Variants in KHDRBS2 observed in about 807,000 individuals in gnomAD.
The protein encoded by KHDRBS2 is KH domain-containing, RNA-binding, signal transduction-associated protein 2.
A neutral mutation model predicts 44.3 loss-of-function variants in KHDRBS2; 26 were observed. That is an observed-to-expected ratio of 0.59 (90% CI 0.43 to 0.81). The LOEUF (loss-of-function observed/expected upper bound fraction) is 0.81. KHDRBS2 is among the 40% of genes least tolerant of loss of function. The probability of loss-of-function intolerance (pLI) is 0.00; values close to 1 mark genes in which losing one functional copy is unlikely to be tolerated. For missense variants in KHDRBS2, 476 were observed against 433.1 expected (o/e 1.10, Z -0.88); for synonymous variants, 194 against 151.1 (o/e 1.28, Z -2.08).
At chr6:61,651,825 AGATTGTACT>A in the KHDRBS2 span, among the ~76,000 whole-genome samples, 1 of 152,114 alleles carries the variant, frequency 6.6e-6, no homozygotes, top group African/African-American at 2.4e-5. Flanking sequence ...AAAGATATCC[AGATTGTACT>A]GGTAAAGAAG....
At chr6:62,068,092 T>C (rs1186773330) in intron 2 of KHDRBS2, among the ~76,000 whole-genome samples, 3 of 151,546 alleles carry the variant, frequency 2.0e-5, no homozygotes, top group African/African-American at 4.8e-5. Flanking sequence ...ATTCTAAGTT[T>C]AACATTTTGA....
intron 1 of KHDRBS2, among the ~76,000 whole-genome samples, chr6:62,199,536 A>C (rs1826457576): frequency 6.6e-6 from 1 of 152,290 alleles, no homozygotes; most frequent in East Asian, 1.9e-4. Context: ...AGGGATGTGA[A>C]AGACCTCTTC....
the KHDRBS2 span, among the ~76,000 whole-genome samples, chr6:61,606,224 T>A: frequency 1.3e-5 from 2 of 152,296 alleles, no homozygotes; most frequent in African/African-American, 2.4e-5. Flanking sequence ...AAAAGCTTTA[T>A]TGCTCACACA....
At chr6:61,933,387 A>G (rs1810449541) in intron 4 of KHDRBS2, among the ~76,000 whole-genome samples, 1 of 152,212 alleles carries the variant, frequency 6.6e-6, no homozygotes, top group African/African-American at 2.4e-5. Flanking sequence ...GCTTGATTGT[A>G]TATCTTGGCA....
the KHDRBS2 span, among the ~76,000 whole-genome samples, chr6:61,671,769 G>C: frequency 1.3e-5 from 2 of 151,618 alleles, no homozygotes; most frequent in Non-Finnish European, 2.9e-5. Context: ...CTTCACTTGG[G>C]TTCTTAACAC....
At chr6:62,028,888 C>T (rs1052299504) in intron 3 of KHDRBS2, among the ~76,000 whole-genome samples, 5 of 152,042 alleles carry the variant, frequency 3.3e-5, no homozygotes, top group African/African-American at 1.2e-4. Flanking sequence ...GTATGAAAAA[C>T]ATGTCTTCAA....
chr6:61,818,215 G>T (rs1582996500), intron 6 of KHDRBS2, among the ~76,000 whole-genome samples: 3 of 130,550 alleles, frequency 2.3e-5, no homozygotes, highest in South Asian at 2.4e-4. Context: ...TTTTAAAAAA[G>T]ACCTTTCAAT....
intron 1 of KHDRBS2, among the ~76,000 whole-genome samples, chr6:62,237,133 T>C (rs1014295466): frequency 5.3e-5 from 8 of 152,158 alleles, no homozygotes; most frequent in East Asian, 1.9e-4. Flanking sequence ...TGCTGTTTTA[T>C]ATGGAAGAGA....
intron 1 of KHDRBS2, among the ~76,000 whole-genome samples, chr6:62,243,784 C>T (rs927379324): frequency 6.6e-6 from 1 of 151,956 alleles, no homozygotes; most frequent in African/African-American, 2.4e-5. Flanking sequence ...ATGTCATCAC[C>T]AACACTGCAG....
At chr6:61,707,873 T>C (rs1012380502) in intron 7 of KHDRBS2, among the ~76,000 whole-genome samples, 6 of 151,724 alleles carry the variant, frequency 4.0e-5, no homozygotes, top group African/African-American at 1.4e-4. Flanking sequence ...ATATATTCTA[T>C]ACGTAACTGC....
chr6:61,902,688 T>TAGAGG (rs1804277049), intron 4 of KHDRBS2, among the ~76,000 whole-genome samples: 3 of 152,100 alleles, frequency 2.0e-5, no homozygotes, highest in Admixed American at 2.0e-4. Context: ...TAACACTATA[T>TAGAGG]TTGTAGAGGT....
At chr6:61,879,353 T>A (rs1404466171) in intron 6 of KHDRBS2, among the ~76,000 whole-genome samples, 1 of 151,940 alleles carries the variant, frequency 6.6e-6, no homozygotes, top group Non-Finnish European at 1.5e-5. Context: ...GTAAGCTTTG[T>A]TTTTGTCCAG....
At chr6:61,762,643 G>T (rs1779445385) in intron 6 of KHDRBS2, among the ~76,000 whole-genome samples, 1 of 152,162 alleles carries the variant, frequency 6.6e-6, no homozygotes, top group South Asian at 2.1e-4. Context: ...GCTTTCACCA[G>T]ATGCTCAGTT....
chr6:62,199,867 G>A (rs1326707191), intron 1 of KHDRBS2, among the ~76,000 whole-genome samples: 1 of 152,110 alleles, frequency 6.6e-6, no homozygotes, highest in Non-Finnish European at 1.5e-5. Flanking sequence ...AAACAGCATG[G>A]TACTGGTACT....
intron 4 of KHDRBS2, among the ~76,000 whole-genome samples, chr6:61,962,746 A>G (rs1384479671): frequency 6.6e-6 from 1 of 152,052 alleles, no homozygotes; most frequent in Non-Finnish European, 1.5e-5. Flanking sequence ...TATAGTCATG[A>G]CTACAGTCTA....
chr6:61,697,978 C>A (rs1044878600), intron 7 of KHDRBS2, among the ~76,000 whole-genome samples: 1 of 152,124 alleles, frequency 6.6e-6, no homozygotes, highest in Admixed American at 6.6e-5. Flanking sequence ...TTCCTTCTAG[C>A]AACTATCCCA....
At chr6:61,906,707 C>T (rs1237619627) in intron 4 of KHDRBS2, among the ~76,000 whole-genome samples, 7 of 152,138 alleles carry the variant, frequency 4.6e-5, no homozygotes, top group South Asian at 4.1e-4. Flanking sequence ...TTTCCATCTA[C>T]GTTGTTGCAA....
chr6:61,747,172 G>C (rs1320291498), intron 6 of KHDRBS2, among the ~76,000 whole-genome samples: 1 of 151,576 alleles, frequency 6.6e-6, no homozygotes, highest in African/African-American at 2.4e-5. Flanking sequence ...TGCTATTTTA[G>C]GACATGAGAA....
chr6:62,234,523 TA>T (rs1203532498), intron 1 of KHDRBS2, among the ~76,000 whole-genome samples: 3 of 152,026 alleles, frequency 2.0e-5, no homozygotes, highest in African/African-American at 7.2e-5. Flanking sequence ...ACTTGGAGCT[TA>T]AAAAATAAAC....
Sources: gnomAD v4.1 joint callset for allele counts (sites outside exome capture counted in the v4.1 genomes callset) on GRCh38, gnomAD v4.1.1 for gene constraint, MANE v1.5 for transcripts, NCBI Gene and HGNC (gene_info 2026-07-23, HGNC 2026-07-21) for gene names.